Variants in PCDHGA9 observed in about 807,000 individuals in gnomAD.
PCDHGA9 encodes protocadherin gamma-A9.
In PCDHGA9, 37 loss-of-function variants were observed where a neutral mutation model predicts 62.5. That is an observed-to-expected ratio of 0.59 (90% CI 0.46 to 0.78). The LOEUF is 0.78. Ranked by LOEUF, PCDHGA9 falls within the 30% of genes least tolerant of loss-of-function variation. PCDHGA9 has a pLI of 0.00. For missense variants in PCDHGA9, 1,138 were observed against 1,166.2 expected (o/e 0.98, Z 0.35); for synonymous variants, 459 against 484.6 (o/e 0.95, Z 0.69).
In PCDHGA9 at chr5:141,487,869, G is replaced by T; in HGVS notation, c.2425-6938G>T. On this transcript the variant is annotated intron_variant, in intron 1 of 3. Transcript: ENST00000573521. This position sits in a 1 kb window ranked among gnomAD's most constrained non-coding sequence, Gnocchi z 5.0. ...AAATGAAAGTAATTGGTGATCAAGA[G>T]CCAGGCTGTTGTGGAAGCATGATGA... 1.1e-6 allele frequency: 1 copy of T among 871,620 alleles called. No individual in the cohort carries two copies. The highest frequency in any genetic ancestry group is 1.7e-6 in the Non-Finnish European group (1 of 574,346). The allele number at this position is 871,620 out of a possible 1,614,324, so 54.0% of individuals were successfully genotyped here. A position where few individuals can be genotyped will look rare whatever the true frequency, so the allele number is the denominator to read the frequency against.
intron 3 of PCDHGA9, among the ~76,000 whole-genome samples, chr5:141,509,686 G>A (rs1350812680): frequency 6.6e-6 from 1 of 152,212 alleles, no homozygotes; most frequent in Non-Finnish European, 1.5e-5. Flanking sequence ...CTTCTGTACA[G>A]TGGGACGTTG....
chr5:141,422,811 C>T (rs748248571), intron 1 of PCDHGA9: 1 of 1,614,248 alleles, frequency 6.2e-7, no homozygotes, highest in Non-Finnish European at 8.5e-7. Context: ...AGTTTCGAGA[C>T]TTAGAACTGA....
chr5:141,405,187 GGTTCGAGCTT>G lies in PCDHGA9; in HGVS notation c.2236_2245del (p.Val746SerfsTer20), dbSNP rs2094622612. On this transcript the variant is annotated frameshift_variant, in exon 1 of 4. Transcript: ENST00000573521. LOFTEE classifies it high-confidence loss of function. ...CCTCACACTTTGTGGGTGTAGATGG[GGTTCGAGCTT>G]TCCTACAGACCTATTCTCAGGAGTT... 6.2e-7 allele frequency: 1 copy of G among 1,613,360 alleles called. No individual in the cohort carries two copies. The highest frequency in any genetic ancestry group is 1.3e-5 in the African/African-American group (1 of 74,646).
At chr5:141,469,743 A>G (rs1166798506) in intron 1 of PCDHGA9, among the ~76,000 whole-genome samples, 1 of 152,252 alleles carries the variant, frequency 6.6e-6, no homozygotes, top group Non-Finnish European at 1.5e-5. Context: ...CACCTCAAAA[A>G]TTACAAAAAT....
At chr5:141,418,463 C>G in intron 1 of PCDHGA9, 1 of 1,613,944 alleles carries the variant, frequency 6.2e-7, no homozygotes, top group South Asian at 1.1e-5. Context: ...GACTCTGGAC[C>G]GAGAAACGCA....
chr5:141,422,117 C>A, intron 1 of PCDHGA9: 1 of 1,604,272 alleles, frequency 6.2e-7, no homozygotes, highest in East Asian at 2.2e-5. Context: ...CAATTGGATT[C>A]ACAAACTGGA....
intron 3 of PCDHGA9, among the ~76,000 whole-genome samples, chr5:141,510,194 G>T (rs920127442): frequency 6.6e-6 from 1 of 151,462 alleles, no homozygotes. Context: ...AATCACTTGA[G>T]CCCAGGAGGC....
chr5:141,457,335 A>G (rs2098917073), intron 1 of PCDHGA9, among the ~76,000 whole-genome samples: 1 of 152,172 alleles, frequency 6.6e-6, no homozygotes, highest in Admixed American at 6.5e-5. Flanking sequence ...CAGGTACCTT[A>G]CTTACTTTCA....
At chr5:141,415,447 T>C in intron 1 of PCDHGA9, 1 of 1,614,200 alleles carries the variant, frequency 6.2e-7, no homozygotes, top group South Asian at 1.1e-5. Context: ...GCAGACCTAT[T>C]CCCACGAGGT....
intron 3 of PCDHGA9, among the ~76,000 whole-genome samples, chr5:141,508,620 G>A (rs1017391751): frequency 2.0e-5 from 3 of 152,070 alleles, no homozygotes; most frequent in East Asian, 1.9e-4. Context: ...GACGTGGGTG[G>A]GCCGAGCTTC....
At chr5:141,454,000 T>C (rs1048921374) in intron 1 of PCDHGA9, among the ~76,000 whole-genome samples, 2 of 152,214 alleles carry the variant, frequency 1.3e-5, no homozygotes, top group African/African-American at 4.8e-5. Flanking sequence ...TAAACCCACA[T>C]AACATTTTAG....
intron 2 of PCDHGA9, among the ~76,000 whole-genome samples, chr5:141,499,115 C>G (rs940275925): frequency 6.6e-6 from 1 of 152,124 alleles, no homozygotes; most frequent in Non-Finnish European, 1.5e-5. Flanking sequence ...CACCACTATC[C>G]CTTCTCAGGT....
chr5:141,490,454 C>T lies in PCDHGA9; in HGVS notation c.2425-4353C>T. The T allele has an allele frequency of 3.1e-6, 5 of 1,614,176 alleles. No homozygotes were observed. The highest frequency in any genetic ancestry group is 4.2e-6 in the Non-Finnish European group (5 of 1,180,020). On this transcript the variant is annotated intron_variant, in intron 1 of 3. Transcript: ENST00000573521. The surrounding 1 kb of genome is among the most constrained non-coding windows in gnomAD (Gnocchi z 5.4). The stretch of plus-strand genomic sequence containing the variant: ...ATTAAGCCTTCTGAGAACCACTACT[C>T]GCTGCTAACCAGCCAGCCTTTGGAC...
intron 1 of PCDHGA9, chr5:141,412,147 G>C (rs1447265509): frequency 6.6e-6 from 1 of 152,176 alleles, no homozygotes; most frequent in East Asian, 1.9e-4. Context: ...GATACAAACT[G>C]CCTAAGAGAA....
In PCDHGA9 at chr5:141,423,270, T is replaced by G. The variant is rs1304998648; in HGVS notation, c.2424+17894T>G. 3 of 1,613,686 alleles carry G rather than the reference T, an allele frequency of 1.9e-6. No homozygotes were observed. The African/African-American group carries it at 4.0e-5, about 22-fold the overall frequency. ...TGGCGGACCTCGGCAGCCTCGAGTC[T>G]CTGGCTAACTCTGAAACCTCAGACC... is the stretch of plus-strand genomic sequence containing the variant. On this transcript the variant is annotated intron_variant, in intron 1 of 3. Transcript: ENST00000573521.
At chr5:141,480,625 G>A (rs1041569361) in intron 1 of PCDHGA9, among the ~76,000 whole-genome samples, 2 of 152,070 alleles carry the variant, frequency 1.3e-5, no homozygotes, top group Non-Finnish European at 2.9e-5. Flanking sequence ...ATTTTCCCTA[G>A]AACAATGTTT....
At chr5:141,450,014 T>A (rs867473620) in intron 1 of PCDHGA9, among the ~76,000 whole-genome samples, 7,114 of 149,588 alleles carry the variant, frequency 0.048, 422 homozygotes, top group African/African-American at 0.13. Context: ...CTCTTTTTTT[T>A]TTTTTTTTTT....
chr5:141,416,699 T>C (rs1232694721), intron 1 of PCDHGA9: 1 of 152,092 alleles, frequency 6.6e-6, no homozygotes, highest in Non-Finnish European at 1.5e-5. Context: ...AAACAAAGGA[T>C]CATTGGAGGT....
At chr5:141,504,660 C>T (rs1002186811) in intron 2 of PCDHGA9, among the ~76,000 whole-genome samples, 8 of 101,980 alleles carry the variant, frequency 7.8e-5, no homozygotes, top group Admixed American at 5.7e-4. Flanking sequence ...TGTTTGAGGG[C>T]GGGGGGTGGG....
Sources: allele counts gnomAD v4.1 joint callset (sites outside exome capture counted in the v4.1 genomes callset), GRCh38; gene constraint gnomAD v4.1.1; non-coding constraint Gnocchi (gnomAD v3.1); transcripts MANE v1.5; gene names NCBI Gene and HGNC (gene_info 2026-07-23, HGNC 2026-07-21).